Variants in PTPN13 observed in about 807,000 individuals in gnomAD.
The protein encoded by PTPN13 is tyrosine-protein phosphatase non-receptor type 13.
PTPN13 carries 191 observed loss-of-function variants against 284.0 expected under a neutral mutation model. That is an observed-to-expected ratio of 0.67 (90% CI 0.60 to 0.76). PTPN13 has a LOEUF of 0.76. Among genes scored for constraint, PTPN13 ranks in the 30% least tolerant of loss-of-function variants. The pLI, the probability that PTPN13 is intolerant of heterozygous loss-of-function variation, is 0.00. For missense variants in PTPN13, 2,797 were observed against 2,939.9 expected, an observed-to-expected ratio of 0.95 and a Z score of 1.12; for synonymous variants, 986 against 1,022.3, an observed-to-expected ratio of 0.96 and a Z score of 0.68.
intron 3 of PTPN13, among the ~76,000 whole-genome samples, chr4:86,672,912 A>C (rs1335086157): frequency 1.3e-5 from 2 of 152,180 alleles, no homozygotes; most frequent in African/African-American, 4.8e-5. Flanking sequence ...GACTGGTTTC[A>C]TGGAAGACAG....
chr4:86,768,104 A>G (rs1739539724), intron 28 of PTPN13, 128 bp downstream of exon 28: 3 of 813,798 alleles, frequency 3.7e-6, no homozygotes, highest in Admixed American at 3.2e-5. Context: ...TACAAATAAT[A>G]ATCTGACATC....
rs188842699 is a variant in PTPN13, at chr4:86,729,819, C to T, written c.1609-2581C>T. Among the ~76,000 whole-genome samples the T allele has an allele frequency of 3.2e-4, 48 of 149,456 alleles. 2 individuals carry two copies. Among genetic ancestry groups the T allele is most frequent in the Middle Eastern group, 6.9e-3 (2 of 288 alleles). ...TTAGCTCAGAGAAGTTTATTATTACCGACCTTCTGAAGCCTACTTCTGTCA... is the reference window on the plus strand; with the variant it reads ...TTAGCTCAGAGAAGTTTATTATTACTGACCTTCTGAAGCCTACTTCTGTCA... On this transcript the variant is annotated intron_variant, in intron 10 of 47. Transcript: ENST00000411767.
intron 1 of PTPN13, among the ~76,000 whole-genome samples, chr4:86,626,468 C>T (rs1031812095): frequency 1.4e-4 from 22 of 151,990 alleles, no homozygotes; most frequent in Non-Finnish European, 2.9e-5. Flanking sequence ...AATTCCTATT[C>T]TTTCTTAGTT....
intron 8 of PTPN13, 139 bp downstream of exon 8, chr4:86,716,764 T>C (rs1733069181): frequency 1.4e-6 from 1 of 705,468 alleles, no homozygotes; most frequent in African/African-American, 1.8e-5. Context: ...AGCTGCTGGT[T>C]ACTCAGTAGT....
At chr4:86,679,280 C>T (rs1728625807) in intron 3 of PTPN13, among the ~76,000 whole-genome samples, 1 of 152,170 alleles carries the variant, frequency 6.6e-6, no homozygotes, top group Non-Finnish European at 1.5e-5. Context: ...CTCTTATGCT[C>T]TATTGTTCTC....
At chr4:86,668,259 T>A (rs1340451866) in intron 2 of PTPN13, among the ~76,000 whole-genome samples, 2 of 152,234 alleles carry the variant, frequency 1.3e-5, no homozygotes, top group Non-Finnish European at 2.9e-5. Flanking sequence ...ATCTCATTTT[T>A]AAATATTCTT....
chr4:86,813,023 G>A (rs1461742379), intron 47 of PTPN13, among the ~76,000 whole-genome samples: 2 of 152,058 alleles, frequency 1.3e-5, no homozygotes, highest in African/African-American at 4.8e-5. Context: ...GGTTGTATGT[G>A]GTGTCAGAGA....
At chr4:86,680,312 T>C (rs952079311) in intron 3 of PTPN13, among the ~76,000 whole-genome samples, 13 of 152,112 alleles carry the variant, frequency 8.5e-5, no homozygotes, top group African/African-American at 1.2e-4. Context: ...TCCTTGACTC[T>C]CATCTTTCCA....
intron 2 of PTPN13, among the ~76,000 whole-genome samples, chr4:86,645,426 G>A (rs900586338): frequency 6.6e-6 from 1 of 152,092 alleles, no homozygotes; most frequent in Non-Finnish European, 1.5e-5. Context: ...TTAGAAAAAA[G>A]CAGAACTGTT....
intron 6 of PTPN13, among the ~76,000 whole-genome samples, chr4:86,694,095 CT>C (rs940349714): frequency 1.7e-3 from 240 of 144,122 alleles, no homozygotes; most frequent in African/African-American, 3.6e-3. Context: ...TATCATATTT[CT>C]TTTTTTTTTT....
At chr4:86,603,905 T>C (rs1291422049) in intron 1 of PTPN13, among the ~76,000 whole-genome samples, 2 of 152,100 alleles carry the variant, frequency 1.3e-5, no homozygotes, top group East Asian at 3.8e-4. Context: ...TTTTGTGCTT[T>C]GCATTGTTTG....
chr4:86,746,765 G>A (rs1473284242), intron 17 of PTPN13, among the ~76,000 whole-genome samples: 1 of 151,994 alleles, frequency 6.6e-6, no homozygotes, highest in Admixed American at 6.6e-5. Context: ...CCAGACTAGG[G>A]GATTACAGGC....
chr4:86,677,545 C>T (rs1008458550), intron 3 of PTPN13, among the ~76,000 whole-genome samples: 1 of 151,520 alleles, frequency 6.6e-6, no homozygotes, highest in African/African-American at 2.4e-5. Context: ...GATCGCTTGA[C>T]CTCGTGATCC....
chr4:86,803,205 T>C (rs183807283), intron 42 of PTPN13, among the ~76,000 whole-genome samples: 5 of 150,684 alleles, frequency 3.3e-5, no homozygotes, highest in African/African-American at 1.2e-4. Flanking sequence ...TGTATATATA[T>C]ACACACACAT....
intron 3 of PTPN13, among the ~76,000 whole-genome samples, chr4:86,674,871 G>A (rs1728107911): frequency 6.6e-6 from 1 of 152,168 alleles, no homozygotes; most frequent in South Asian, 2.1e-4. Flanking sequence ...ACAGGATGCA[G>A]TCATTCTGTA....
intron 2 of PTPN13, among the ~76,000 whole-genome samples, chr4:86,671,875 G>A (rs140589919): frequency 5.3e-5 from 8 of 152,104 alleles, no homozygotes; most frequent in African/African-American, 1.9e-4. Context: ...TCTTAACTTG[G>A]GATCTATAAA....
intron 40 of PTPN13, among the ~76,000 whole-genome samples, chr4:86,794,157 T>C (rs1743028989): frequency 6.6e-6 from 1 of 152,104 alleles, no homozygotes; most frequent in African/African-American, 2.4e-5. Context: ...GAAAACCCCA[T>C]CGTCTCAGTC....
chr4:86,673,027 C>A (rs1727881409), intron 3 of PTPN13, among the ~76,000 whole-genome samples: 1 of 152,176 alleles, frequency 6.6e-6, no homozygotes, highest in Non-Finnish European at 1.5e-5. Flanking sequence ...CTCAGTCCCT[C>A]ACATGTGCAG....
At chr4:86,782,127 T>G in intron 36 of PTPN13, 74 bp from the exon 37 acceptor site, 1 of 1,035,762 alleles carries the variant, frequency 9.7e-7, no homozygotes, top group Non-Finnish European at 1.5e-6. Context: ...AATGTGAGTT[T>G]TCTTTAATTA....
Sources: allele counts gnomAD v4.1 joint callset (sites outside exome capture counted in the v4.1 genomes callset), GRCh38; gene constraint gnomAD v4.1.1; transcripts MANE v1.5; gene names NCBI Gene and HGNC (gene_info 2026-07-23, HGNC 2026-07-21).